Variants in FSTL5 observed in about 807,000 individuals in gnomAD.
The protein encoded by FSTL5 is follistatin like 5.
Under a neutral mutation model 89.1 loss-of-function variants are expected in FSTL5, and 62 were observed. That is an observed-to-expected ratio of 0.70 (90% confidence interval 0.57 to 0.86). FSTL5 has a LOEUF of 0.86. FSTL5 is among the 40% of genes least tolerant of loss of function. The pLI, the probability that FSTL5 is intolerant of heterozygous loss-of-function variation, is 0.00. For synonymous variants in FSTL5, 383 were observed against 346.2 expected, an observed-to-expected ratio of 1.11 and a Z score of -1.18; for missense variants, 1,057 against 1,001.6, an observed-to-expected ratio of 1.06 and a Z score of -0.75.
At chr4:161,795,042 T>G (rs1446997424) in intron 4 of FSTL5, among the ~76,000 whole-genome samples, 2 of 151,960 alleles carry the variant, frequency 1.3e-5, no homozygotes, top group African/African-American at 4.8e-5. Flanking sequence ...AGTGCTTATC[T>G]GAGTGCCAGG....
chr4:161,590,941 A>C (rs1243316676), intron 7 of FSTL5, among the ~76,000 whole-genome samples: 3 of 152,232 alleles, frequency 2.0e-5, no homozygotes, highest in African/African-American at 7.2e-5. Context: ...AAATGTGCAT[A>C]GCTGTATACT....
At chr4:161,658,398 G>T (rs2126684129) in intron 6 of FSTL5, among the ~76,000 whole-genome samples, 1 of 152,016 alleles carries the variant, frequency 6.6e-6, no homozygotes, top group Middle Eastern at 3.4e-3. Context: ...GGCAGAGGTT[G>T]CAGTGAGCCA....
At chr4:161,631,854 G>A (rs1455705669) in intron 7 of FSTL5, among the ~76,000 whole-genome samples, 3 of 152,054 alleles carry the variant, frequency 2.0e-5, no homozygotes, top group African/African-American at 7.2e-5. Flanking sequence ...TACCTAAATA[G>A]AGTTGGTAAT....
At chr4:161,749,794 A>AAAAAAT (rs1431303030) in intron 6 of FSTL5, among the ~76,000 whole-genome samples, 1 of 151,564 alleles carries the variant, frequency 6.6e-6, no homozygotes, top group Non-Finnish European at 1.5e-5. Context: ...TCCGTCAAAA[A>AAAAAAT]AAAAATAAAA....
At chr4:161,673,584 A>C (rs1242513770) in intron 6 of FSTL5, among the ~76,000 whole-genome samples, 1 of 152,080 alleles carries the variant, frequency 6.6e-6, no homozygotes, top group Non-Finnish European at 1.5e-5. Flanking sequence ...CAAAAGAATG[A>C]GTACAACTCA....
intron 8 of FSTL5, among the ~76,000 whole-genome samples, chr4:161,569,758 AACACAC>A (rs56387876): frequency 0.1 from 13,994 of 134,268 alleles, 713 homozygotes; most frequent in African/African-American, 0.14. Context: ...CCAACACACA[AACACAC>A]ACACACACAC....
chr4:162,070,022 C>T (rs749826751), intron 2 of FSTL5, among the ~76,000 whole-genome samples: 6 of 151,810 alleles, frequency 4.0e-5, no homozygotes, highest in African/African-American at 1.2e-4. Flanking sequence ...TTCTTTTCTG[C>T]CCATCTTTAC....
intron 7 of FSTL5, among the ~76,000 whole-genome samples, chr4:161,626,408 A>C (rs1735317418): frequency 6.6e-6 from 1 of 152,174 alleles, no homozygotes; most frequent in Non-Finnish European, 1.5e-5. Context: ...AACAGCCTGG[A>C]TCATAGCACA....
At chr4:161,992,907 T>TAC (rs1560957627) in intron 3 of FSTL5, among the ~76,000 whole-genome samples, 91 of 8,774 alleles carry the variant, frequency 0.01, no homozygotes, top group African/African-American at 0.015. Context: ...TGTGTGTGTA[T>TAC]ATATATATAT....
At chr4:161,595,102 T>C (rs1260266783) in intron 7 of FSTL5, among the ~76,000 whole-genome samples, 2 of 151,634 alleles carry the variant, frequency 1.3e-5, no homozygotes, top group African/African-American at 4.9e-5. Flanking sequence ...TCTCCATTAA[T>C]CTTAGCCAAG....
At chr4:161,555,327 G>C (rs1336609488) in intron 8 of FSTL5, among the ~76,000 whole-genome samples, 1 of 151,328 alleles carries the variant, frequency 6.6e-6, no homozygotes, top group Admixed American at 6.6e-5. Context: ...TTTAAGAAAT[G>C]CTCTCTGAAA....
chr4:161,700,129 C>T (rs967646147), intron 6 of FSTL5, among the ~76,000 whole-genome samples: 1 of 152,114 alleles, frequency 6.6e-6, no homozygotes, highest in Non-Finnish European at 1.5e-5. Context: ...TTACCATATG[C>T]TTGTAACTAT....
At chr4:161,836,085 A>C (rs1731029165) in intron 4 of FSTL5, among the ~76,000 whole-genome samples, 1 of 152,142 alleles carries the variant, frequency 6.6e-6, no homozygotes, top group Non-Finnish European at 1.5e-5. Context: ...CTGGATTAAG[A>C]AAATGTGGCA....
intron 13 of FSTL5, among the ~76,000 whole-genome samples, chr4:161,466,584 C>T (rs572102935): frequency 1.4e-4 from 21 of 152,080 alleles, no homozygotes; most frequent in Non-Finnish European, 5.9e-5. Context: ...TACAATAAGC[C>T]CCTTCTGCAT....
intron 4 of FSTL5, among the ~76,000 whole-genome samples, chr4:161,891,467 G>C (rs1732986026): frequency 6.6e-6 from 1 of 151,948 alleles, no homozygotes; most frequent in African/African-American, 2.4e-5. Context: ...TACCCATCTG[G>C]TTTCAAATAT....
At chr4:161,696,924 A>G (rs1738190417) in intron 6 of FSTL5, among the ~76,000 whole-genome samples, 1 of 152,176 alleles carries the variant, frequency 6.6e-6, no homozygotes, top group Non-Finnish European at 1.5e-5. Flanking sequence ...TTCTTTACCG[A>G]TTAGGATGCC....
At chr4:161,882,736 T>C (rs1732672521) in intron 4 of FSTL5, among the ~76,000 whole-genome samples, 1 of 152,126 alleles carries the variant, frequency 6.6e-6, no homozygotes, top group Non-Finnish European at 1.5e-5. Flanking sequence ...CATTTTTTCT[T>C]TTACACCACA....
At chr4:161,530,375 A>C (rs1731367488) in intron 10 of FSTL5, among the ~76,000 whole-genome samples, 1 of 142,394 alleles carries the variant, frequency 7.0e-6, no homozygotes, top group African/African-American at 2.5e-5. Flanking sequence ...GATAATAATT[A>C]TTAACTTACA....
rs538582381 is a variant in FSTL5, at chr4:162,116,969, A to G, written c.-16-5557T>C. ...TCTTTCTTATGTGACTTCACCTCAC[A>G]CTGTGGCTATTGCTTTTAGAAAGGC... On this transcript the variant is annotated intron_variant, in intron 1 of 15. Coordinates refer to ENST00000306100, the MANE Select transcript of FSTL5 (RefSeq NM_020116.5). Among the ~76,000 whole-genome samples the G allele has an allele frequency of 7.9e-5, 12 of 152,268 alleles. No homozygotes were observed. In the South Asian group the frequency reaches 1.0e-3, roughly 13 times the overall value.
Sources: allele counts gnomAD v4.1 joint callset (sites outside exome capture counted in the v4.1 genomes callset), GRCh38; gene constraint gnomAD v4.1.1; transcripts MANE v1.5; gene names NCBI Gene and HGNC (gene_info 2026-07-23, HGNC 2026-07-21).